The following DNHD1 variants were observed in gnomAD, a reference collection of about 807,000 sequenced individuals.
DNHD1 encodes the protein dynein heavy chain domain 1, also known as dynein heavy chain domain-containing protein 1.
DNHD1 carries 383 observed loss-of-function variants against 458.1 expected under a neutral mutation model. The observed-to-expected ratio is 0.84, with a 90% CI of 0.77 to 0.91. DNHD1 has a LOEUF of 0.91. DNHD1 is among the 40% of genes least tolerant of loss of function. DNHD1 has a pLI of 0.00. For synonymous variants in DNHD1, 2,203 were observed against 2,376.9 expected (o/e 0.93, Z 2.13); for missense variants, 5,336 against 5,866.1 (o/e 0.91, Z 2.95).
chr11:6,539,521 A>T (rs1382684703), intron 17 of DNHD1, among the ~76,000 whole-genome samples: 2 of 152,300 alleles, frequency 1.3e-5, no homozygotes, highest in East Asian at 3.9e-4. Context: ...TATGTCCCTG[A>T]TGGGGGAAGG....
intron 10 of DNHD1, chr11:6,520,753 T>G (rs2134396463): frequency 1.0e-6 from 1 of 1,000,996 alleles, no homozygotes; most frequent in East Asian, 9.6e-5. Context: ...TACCAATTAT[T>G]ATTGGTTATC....
rs1564818558 is a variant in DNHD1, at chr11:6,552,529, A to AT, written c.7387+3596_7387+3597insT. ...ACAAGAGCAAAACTTCGTCCCAAAA[A>AT]ATATATATATATAAGTAGGTTTAAT... On this transcript the variant is annotated intron_variant, in intron 24 of 42. Transcript: ENST00000254579. 4.2e-3 allele frequency among the ~76,000 whole-genome samples: 641 copies of AT among 151,856 alleles called. 5 individuals carry two copies. The highest frequency in any genetic ancestry group is 0.015 in the African/African-American group (621 of 41,404).
Position 6,545,549 on chromosome 11 carries a change from C to G in DNHD1, c.4610C>G (p.Ser1537Cys). 1.3e-6 allele frequency: 2 copies of G among 1,551,982 alleles called. No individual in the cohort carries two copies. Among genetic ancestry groups the G allele is most frequent in the Non-Finnish European group, 1.7e-6 (2 of 1,147,048 alleles). ...GAGTGGGGTACCCTGGCCATGGTCT[C>G]CATGCATATGCGCAAGCTTGAGGTA... ...LLEWGTLAMV[S>C]MHMRKLEVLV... is the part of the protein sequence containing the mutation. The change falls in exon 21 of 43, where the codon TCC becomes TGC. Residue 1537 changes from serine to cysteine, a missense_variant. Around this residue, in one of 4 missense-constraint regions of DNHD1, gnomAD observed 3,932 missense variants for 4,365.6 expected, o/e 0.90. Coordinates refer to ENST00000254579, the MANE Select transcript of DNHD1 (RefSeq NM_144666.3). The surrounding 1 kb of genome is among the most constrained non-coding windows in gnomAD (Gnocchi z 4.9).
At chr11:6,536,994 A>G (rs544993529) in intron 14 of DNHD1, among the ~76,000 whole-genome samples, 1 of 152,308 alleles carries the variant, frequency 6.6e-6, no homozygotes, top group Admixed American at 6.5e-5. Flanking sequence ...ATACTCTGAG[A>G]TCTCCAAAAT....
At position 6,546,110 on chromosome 11, in the gene DNHD1, A is replaced by C. The variant is rs1051027908; in HGVS notation, c.5171A>C (p.Asn1724Thr). 1 of 1,551,480 alleles carries C rather than the reference A, an allele frequency of 6.4e-7. No homozygotes were observed. The highest frequency in any genetic ancestry group is 2.0e-5 in the Admixed American group (1 of 50,984). ...SPQIEAQCLS[N>T]YLNGALQGGA... The stretch of plus-strand genomic sequence containing the variant: ...CAGATAGAGGCTCAATGCCTGAGCA[A>C]CTATCTGAATGGTGCCCTGCAGGGT... The change falls in exon 21 of 43, where the codon AAC becomes ACC. Residue 1724 changes from asparagine to threonine, a missense_variant. Asn to Thr is a moderately conservative substitution (Grantham distance 65). This residue lies in a region of DNHD1 where 3,932 missense variants were observed against 4,365.6 expected (regional missense o/e 0.90). Transcript: ENST00000254579.
At position 6,565,971 on chromosome 11, in the gene DNHD1, T is replaced by A. The variant is rs900859118; in HGVS notation, c.11033T>A (p.Leu3678His). 20 of 1,551,518 alleles carry A rather than the reference T, an allele frequency of 1.3e-5. No individual in the cohort carries two copies. Among genetic ancestry groups the A allele is most frequent in the Non-Finnish European group, 1.7e-5 (19 of 1,146,986 alleles). ...SGADPELGSQ[L>H]QEAAACGLPV... The stretch of plus-strand genomic sequence containing the variant: ...GCTGACCCAGAGCTGGGTTCTCAGC[T>A]CCAGGAGGCAGCTGCTTGTGGTGAG... The change falls in exon 33 of 43, where the codon CTC becomes CAC. Residue 3678 changes from leucine to histidine, a missense_variant. Transcript: ENST00000254579.
In DNHD1 at chr11:6,546,042, A is replaced by G; in HGVS notation, c.5103A>G (p.Ala1701=). ...VGKRAIVNSL[A]QALGRQLVML... The stretch of plus-strand genomic sequence containing the variant: ...AGAGAGCTATAGTGAACAGCCTGGC[A>G]CAGGCCCTGGGCCGCCAGCTGGTGA... Residue 1701 remains alanine (A), a synonymous_variant, in exon 21 of 43, where the codon GCA becomes GCG. Coordinates refer to ENST00000254579, the MANE Select transcript of DNHD1 (RefSeq NM_144666.3). 6.4e-7 allele frequency: 1 copy of G among 1,551,438 alleles called. No individual in the cohort carries two copies. The highest frequency in any genetic ancestry group is 2.0e-5 in the Admixed American group (1 of 51,002).
chr11:6,556,119 C>G (rs558562209), intron 24 of DNHD1, among the ~76,000 whole-genome samples: 1 of 152,238 alleles, frequency 6.6e-6, no homozygotes, highest in Admixed American at 6.5e-5. Flanking sequence ...GTCTACAGCA[C>G]ACATCACCAG....
intron 17 of DNHD1, 65 bp from the exon 18 acceptor site, chr11:6,539,811 C>A: frequency 6.9e-7 from 1 of 1,456,362 alleles, no homozygotes. Context: ...ATCCCCAAGT[C>A]TCGGCTCCAA....
In DNHD1 at chr11:6,565,944, G is replaced by C; in HGVS notation, c.11006G>C (p.Gly3669Ala). The change falls in exon 33 of 43, where the codon GGT becomes GCT. Residue 3669 changes from glycine to alanine, a missense_variant. Around this residue, in one of 4 missense-constraint regions of DNHD1, gnomAD observed 695 missense variants for 804.2 expected, o/e 0.86. Coordinates refer to ENST00000254579, the MANE Select transcript of DNHD1 (RefSeq NM_144666.3). The stretch of plus-strand genomic sequence containing the variant: ...CTTCCCTACCTTAGTGTTCTTTCAG[G>C]TGCTGACCCAGAGCTGGGTTCTCAG... ...PSLPYLSVLS[G>A]ADPELGSQLQ... The C allele has an allele frequency of 6.4e-7, 1 of 1,551,618 alleles. No homozygotes were observed. The highest frequency in any genetic ancestry group is 8.7e-7 in the Non-Finnish European group (1 of 1,146,980).
At chr11:6,543,427 T>G (rs1353679709) in intron 18 of DNHD1, among the ~76,000 whole-genome samples, 1 of 152,198 alleles carries the variant, frequency 6.6e-6, no homozygotes, top group Non-Finnish European at 1.5e-5. Context: ...ATGGGCATTC[T>G]TGCTATAGAA....
rs539709839 is a variant in DNHD1 at position 6,497,835 on chromosome 11, C to G, written c.-381C>G. ...TTCCCTTGCCTTGCCTCCTAACCCC[C>G]CTAGGCCAGGTGAGGGGGACAGGGT... is the stretch of plus-strand genomic sequence containing the variant. On this transcript the variant is annotated 5_prime_UTR_variant, in exon 3 of 43. Transcript: ENST00000254579. 4.5e-6 allele frequency: 1 copy of G among 221,176 alleles called. No homozygotes were observed. 13.7% of individuals were successfully genotyped at this position (221,176 alleles called of 1,614,324 possible).
Position 6,548,361 on chromosome 11 carries a change from C to G in DNHD1, c.7057C>G (p.His2353Asp). The G allele has an allele frequency of 6.4e-7, 1 of 1,551,674 alleles. No individual in the cohort carries two copies. The highest frequency in any genetic ancestry group is 8.7e-7 in the Non-Finnish European group (1 of 1,146,988). The change falls in exon 23 of 43, where the codon CAC becomes GAC. Residue 2353 changes from histidine to aspartate, a missense_variant. Physicochemically the swap from His to Asp is moderately conservative, Grantham distance 81 (BLOSUM62 -1). Coordinates refer to ENST00000254579, the MANE Select transcript of DNHD1 (RefSeq NM_144666.3). This position sits in a 1 kb window ranked among gnomAD's most constrained non-coding sequence, Gnocchi z 4.4. ...CTTCACTGGCCAATACCTGAGCAGC[C>G]ACATCAAAGGAACTTTGGGCACCTT... ...VPFTGQYLSS[H>D]IKGTLGTFHP...
chr11:6,547,750 C>G (rs1333190450), intron 21 of DNHD1, 84 bp downstream of exon 21: 1 of 1,485,420 alleles, frequency 6.7e-7, no homozygotes, highest in East Asian at 2.5e-5. Context: ...GGCGTGTGTT[C>G]TTTGGTGGAT....
Position 6,571,102 on chromosome 11 carries a change from T to C in DNHD1, c.13590T>C (p.Thr4530=). Residue 4530 remains threonine, a synonymous_variant, in exon 42 of 43, where the codon ACT becomes ACC. Transcript: ENST00000254579. The surrounding 1 kb of genome is among the most constrained non-coding windows in gnomAD (Gnocchi z 5.0). ...RCAAVAHALW[T]GRLPLPWRPH... ...CTGCGGTGGCCCACGCTCTCTGGAC[T>C]GGCCGCCTACCCTTGCCTTGGCGAC... 1 of 1,597,536 alleles carries C rather than the reference T, an allele frequency of 6.3e-7. No homozygotes were observed. Among genetic ancestry groups the C allele is most frequent in the South Asian group, 1.1e-5 (1 of 90,176 alleles).
chr11:6,565,878 GC>G lies in DNHD1; in HGVS notation c.10942del (p.Gln3648ArgfsTer43). 1.3e-6 allele frequency: 2 copies of G among 1,551,642 alleles called. No individual in the cohort carries two copies. Among genetic ancestry groups the G allele is most frequent in the African/African-American group, 1.4e-5 (1 of 73,130 alleles). On this transcript the variant is annotated frameshift_variant, in exon 33 of 43. Transcript: ENST00000254579. LOFTEE classifies it high-confidence loss of function. Reference protein sequence around the residue: ...NEEKEEEKTESQGSKPAYETQ... With the variant: ...NEEKEEEKTEXQGSKPAYETQ... ...GAGAAAGAGGAGGAGAAGACAGAGAGCCAGGGGTCAAAGCCAGCCTATGAGA... is the reference window on the plus strand; with the variant it reads ...GAGAAAGAGGAGGAGAAGACAGAGAGCAGGGGTCAAAGCCAGCCTATGAGA...
chr11:6,508,676 C>CAGAT (rs1468040929), intron 4 of DNHD1: 1 of 557,952 alleles, frequency 1.8e-6, no homozygotes, highest in African/African-American at 1.9e-5. Flanking sequence ...TCTTTCTTCC[C>CAGAT]ATCTACCTTT....
chr11:6,520,569 A>C, intron 10 of DNHD1: 2 of 1,252,936 alleles, frequency 1.6e-6, no homozygotes, highest in Non-Finnish European at 2.0e-6. Flanking sequence ...TTCATCCCAA[A>C]CTCTGTGAGG....
chr11:6,563,618 T>C (rs1006741168), intron 30 of DNHD1, 54 bp downstream of exon 30: 1 of 1,547,078 alleles, frequency 6.5e-7, no homozygotes, highest in Non-Finnish European at 8.7e-7. Context: ...AAGGGACACT[T>C]GGCAAGGCTA....
Sources: allele counts gnomAD v4.1 joint callset (sites outside exome capture counted in the v4.1 genomes callset), GRCh38; gene constraint gnomAD v4.1.1; regional missense constraint gnomAD v4.1.1; non-coding constraint Gnocchi (gnomAD v3.1); transcripts MANE v1.5; gene names NCBI Gene and HGNC (gene_info 2026-07-23, HGNC 2026-07-21).